Variants in KIF7 observed in about 807,000 individuals in gnomAD.
The protein encoded by KIF7 is kinesin family member 7.
Under a neutral mutation model 135.7 loss-of-function variants are expected in KIF7, and 104 were observed. That is an observed-to-expected ratio of 0.77 (90% CI 0.65 to 0.90). The LOEUF (loss-of-function observed/expected upper bound fraction) is 0.90. KIF7 is among the 40% of genes least tolerant of loss of function. The probability of loss-of-function intolerance (pLI) is 0.00; values close to 1 mark genes in which losing one functional copy is unlikely to be tolerated. For synonymous variants in KIF7, 883 were observed against 809.4 expected (o/e 1.09, Z -1.54); for missense variants, 2,005 against 1,839.1 (o/e 1.09, Z -1.65).
chr15:89,657,549 G>A (rs1964220970), upstream of KIF7, among the ~76,000 whole-genome samples: 1 of 152,140 alleles, frequency 6.6e-6, no homozygotes. Context: ...AATCTGGTGT[G>A]TACCCGAGTG....
At chr15:89,623,551 G>C (rs138837238), downstream of KIF7, 520 of 1,445,070 alleles carry the variant, frequency 3.6e-4, 3 homozygotes, top group African/African-American at 6.5e-3. Context: ...TTTGGTCTTA[G>C]AGATTACTAA....
chr15:89,618,206 A>G, intron 1 of KIF7: 1 of 1,614,062 alleles, frequency 6.2e-7, no homozygotes, highest in Non-Finnish European at 8.5e-7. Context: ...CTGAAAAAGG[A>G]GATGGTGAGT....
intron 1 of KIF7, among the ~76,000 whole-genome samples, chr15:89,620,738 T>G (rs992173825): frequency 6.0e-5 from 9 of 150,912 alleles, no homozygotes; most frequent in African/African-American, 2.2e-4. Context: ...TTGTTTGTTT[T>G]TTGAGATGGA....
downstream of KIF7, chr15:89,625,615 G>T: frequency 6.2e-7 from 1 of 1,613,236 alleles, no homozygotes; most frequent in Non-Finnish European, 8.5e-7. Context: ...GGGACAGTTT[G>T]GGTTGAGTTC....
At chr15:89,654,568 C>T (rs1964178376) in intron 1 of KIF7, among the ~76,000 whole-genome samples, 1 of 152,124 alleles carries the variant, frequency 6.6e-6, no homozygotes, top group Non-Finnish European at 1.5e-5. Context: ...TCCACCCGCC[C>T]GTGACCACTC....
In KIF7 at chr15:89,649,777, C is replaced by T; in HGVS notation, c.493G>A (p.Asp165Asn). The change falls in exon 3 of 19, where the codon GAC (aspartate) becomes AAC (asparagine). Residue 165 changes from aspartate (D) to asparagine (N), a missense_variant. Transcript: ENST00000394412. ...CGCTCATCTTCCCGGAGCTGGATGT[C>T]ACGGCTGGCAGTGCCCACCTCGAGC... Reference protein sequence around the residue: ...DLLEVGTASRDIQLREDERGN... With the variant: ...DLLEVGTASRNIQLREDERGN... 3.9e-6 allele frequency: 6 copies of T among 1,551,846 alleles called. No homozygotes were observed. The highest frequency in any genetic ancestry group is 5.2e-6 in the Non-Finnish European group (6 of 1,147,026).
Position 89,645,133 on chromosome 15 carries a change from G to C in KIF7, c.2071C>G (p.Arg691Gly). 6.2e-7 allele frequency: 1 copy of C among 1,604,832 alleles called. No individual in the cohort carries two copies. Among genetic ancestry groups the C allele is most frequent in the Non-Finnish European group, 8.5e-7 (1 of 1,179,980 alleles). ...GAGGCTGTGGCAGGGGGGACCTGGCGGGCCTGAACTCGGGCCTTGCTCCCA... is the reference window on the plus strand; with the variant it reads ...GAGGCTGTGGCAGGGGGGACCTGGCCGGCCTGAACTCGGGCCTTGCTCCCA... ...VGGSKARVQA[R>G]QVPPATASEW... The change falls in exon 10 of 19, where the codon CGC (arginine) becomes GGC (glycine). Residue 691 changes from arginine (R) to glycine (G), a missense_variant. Physicochemically the swap from Arg to Gly is moderately radical, Grantham distance 125. Transcript: ENST00000394412.
chr15:89,661,859 A>G, the KIF7 span, among the ~76,000 whole-genome samples: 7,040 of 151,742 alleles, frequency 0.046, 539 homozygotes, highest in African/African-American at 0.16. Context: ...GTAGCTGGCA[A>G]TTATTACACT....
At chr15:89,628,870 T>A in intron 18 of KIF7, 84 bp from the exon 19 acceptor site, 2 of 1,610,790 alleles carry the variant, frequency 1.2e-6, no homozygotes, top group South Asian at 1.1e-5. Context: ...CCCAGCACAA[T>A]AAGCAACCTG....
At position 89,633,805 on chromosome 15, in the gene KIF7, C is replaced by T. The variant is rs558861570; in HGVS notation, c.2473G>A (p.Glu825Lys). The T allele has an allele frequency of 6.8e-6, 11 of 1,612,652 alleles. No homozygotes were observed. Among genetic ancestry groups the T allele is most frequent in the Non-Finnish European group, 8.5e-6 (10 of 1,180,034 alleles). Residue 825 changes from glutamate (E) to lysine (K), a missense_variant, in exon 12 of 19, where the codon GAG (glutamate) becomes AAG (lysine). Transcript: ENST00000394412. ...TGCCGCATGAGCTGCACGTTCCGCTCGAGCTCCTGCAGTCGCTTCTCACTC... is the reference window on the plus strand; with the variant it reads ...TGCCGCATGAGCTGCACGTTCCGCTTGAGCTCCTGCAGTCGCTTCTCACTC... ...AQSEKRLQEL[E>K]RNVQLMRQQQ... is the part of the protein sequence containing the mutation.
intron 1 of KIF7, among the ~76,000 whole-genome samples, chr15:89,654,253 C>T (rs967975215): frequency 6.6e-6 from 1 of 152,052 alleles, no homozygotes; most frequent in African/African-American, 2.4e-5. Context: ...TCGTGATCTG[C>T]CCGCCTCGGC....
chr15:89,646,678 C>A, intron 7 of KIF7, 152 bp downstream of exon 7: 1 of 741,048 alleles, frequency 1.3e-6, no homozygotes. Context: ...TTGGCTCTTC[C>A]TCTGGGGACA....
chr15:89,631,426 G>C, intron 15 of KIF7, 69 bp downstream of exon 15: 2 of 1,385,716 alleles, frequency 1.4e-6, no homozygotes, highest in Non-Finnish European at 9.9e-7. Context: ...GCTGGAGCAA[G>C]GGCTGAGGAG....
At chr15:89,659,535 G>A (rs931653202), upstream of KIF7, among the ~76,000 whole-genome samples, 1 of 151,890 alleles carries the variant, frequency 6.6e-6, no homozygotes, top group Non-Finnish European at 1.5e-5. Context: ...GAGGGAGGAA[G>A]GGAGGGAAGA....
chr15:89,650,023 G>A (rs1964099743), intron 2 of KIF7, 82 bp from the exon 3 acceptor site: 1 of 1,364,578 alleles, frequency 7.3e-7, no homozygotes, highest in Non-Finnish European at 1.0e-6. Flanking sequence ...ATAGGCCCCT[G>A]CCAGAGCTGG....
chr15:89,645,466 C>G lies in KIF7; in HGVS notation c.1923-15G>C. ...TGATCCTATTTCTGGAGGACAGAAG[C>G]AGGAGGCCATGCTCCTCCCCAGCCC... On this transcript the variant is annotated splice_polypyrimidine_tract_variant and intron_variant, in intron 8 of 18. Transcript: ENST00000394412. 2 of 1,594,164 alleles carry G rather than the reference C, an allele frequency of 1.3e-6. No homozygotes were observed. Among genetic ancestry groups the G allele is most frequent in the South Asian group, 1.1e-5 (1 of 89,350 alleles).
rs201156702 is a variant in KIF7 at position 89,621,553 on chromosome 15, A to G, written c.181-3358T>C. On this transcript the variant is annotated intron_variant and NMD_transcript_variant, in intron 1 of 2. Coordinates refer to the KIF7 transcript ENST00000558928. ...CGGAGGTACCTGCAGCTTACCAGGT[A>G]TAATGTTTCTGTAATGTTTGAAATA... The G allele has an allele frequency of 1.9e-5, 31 of 1,605,610 alleles. No homozygotes were observed. The Middle Eastern group carries it at 1.2e-3, about 60-fold the overall frequency.
Position 89,633,883 on chromosome 15 carries a change from C to T in KIF7, c.2395G>A (p.Val799Met). The T allele has an allele frequency of 1.2e-6, 2 of 1,613,744 alleles. No homozygotes were observed. The highest frequency in any genetic ancestry group is 1.6e-4 in the Middle Eastern group (1 of 6,062). The change falls in exon 12 of 19, where the codon GTG becomes ATG. Residue 799 changes from valine (V) to methionine (M), a missense_variant and splice_region_variant. Physicochemically the swap from Val to Met is conservative, Grantham distance 21. Coordinates refer to ENST00000394412, the MANE Select transcript of KIF7 (RefSeq NM_198525.3). ...GTAGCCTGCTTCTTCTCCTTCAGCA[C>T]CTGGGACCCACACAGTCTTCACTGG... The part of the protein sequence containing the change: ...RVAAAQSQVQ[V>M]LKEKKQATER...
intron 1 of KIF7, among the ~76,000 whole-genome samples, chr15:89,653,357 G>A (rs1292240991): frequency 6.6e-6 from 1 of 152,070 alleles, no homozygotes; most frequent in Non-Finnish European, 1.5e-5. Context: ...CACATCCCCT[G>A]CCCCACCTTC....
Sources: allele counts gnomAD v4.1 joint callset (sites outside exome capture counted in the v4.1 genomes callset), GRCh38; gene constraint gnomAD v4.1.1; transcripts MANE v1.5; gene names NCBI Gene and HGNC (gene_info 2026-07-23, HGNC 2026-07-21).